Variants in PDE3B observed in about 807,000 individuals in gnomAD.
PDE3B encodes cGMP-inhibited 3',5'-cyclic phosphodiesterase 3B.
PDE3B carries 66 observed loss-of-function variants against 116.8 expected under a neutral mutation model. The observed-to-expected ratio is 0.56, with a 90% CI of 0.46 to 0.69. The LOEUF is 0.69. Among genes scored for constraint, PDE3B ranks in the 30% least tolerant of loss-of-function variants. PDE3B has a pLI of 0.00. For missense variants in PDE3B, 1,384 were observed against 1,368.1 expected (o/e 1.01, Z -0.18); for synonymous variants, 595 against 533.6 (o/e 1.12, Z -1.59).
At chr11:14,853,475 C>T (rs1313677638) in intron 12 of PDE3B, among the ~76,000 whole-genome samples, 3 of 152,080 alleles carry the variant, frequency 2.0e-5, no homozygotes, top group Non-Finnish European at 2.9e-5. Flanking sequence ...CCCAAAGTAA[C>T]GAAGTTTATG....
intron 1 of PDE3B, among the ~76,000 whole-genome samples, chr11:14,763,802 G>A (rs1857422781): frequency 6.6e-6 from 1 of 152,052 alleles, no homozygotes; most frequent in African/African-American, 2.4e-5. Flanking sequence ...TGAAAGAAAT[G>A]TGTTATAAAA....
chr11:14,792,198 T>G (rs1858410555), intron 4 of PDE3B, among the ~76,000 whole-genome samples: 1 of 152,088 alleles, frequency 6.6e-6, no homozygotes, highest in East Asian at 1.9e-4. Context: ...GTAAATGAAC[T>G]AACACAGATG....
intron 1 of PDE3B, among the ~76,000 whole-genome samples, chr11:14,769,151 A>G (rs1482535670): frequency 6.6e-6 from 1 of 151,486 alleles, no homozygotes; most frequent in African/African-American, 2.4e-5. Flanking sequence ...TCTAGCAAGC[A>G]CAAGTGAGAG....
At chr11:14,645,851 T>C (rs558362066) in intron 1 of PDE3B, among the ~76,000 whole-genome samples, 99 of 152,334 alleles carry the variant, frequency 6.5e-4, no homozygotes, top group Non-Finnish European at 1.3e-3. Context: ...CTACCTGTTG[T>C]ACATCACCAA....
At chr11:14,865,189 G>C (rs1848021027) in intron 14 of PDE3B, among the ~76,000 whole-genome samples, 1 of 152,188 alleles carries the variant, frequency 6.6e-6, no homozygotes. Context: ...ACTACTATCA[G>C]AGAATACTAT....
chr11:14,835,015 A>C lies in PDE3B; in HGVS notation c.2240A>C (p.His747Pro). The C allele has an allele frequency of 6.2e-7, 1 of 1,613,236 alleles. No homozygotes were observed. The highest frequency in any genetic ancestry group is 8.5e-7 in the Non-Finnish European group (1 of 1,179,422). Residue 747 changes from histidine (H) to proline (P), a missense_variant, in exon 11 of 16, where the codon CAT (histidine) becomes CCT (proline). By Grantham distance (77) the His-to-Pro change is moderately conservative. Around this residue, in one of 2 missense-constraint regions of PDE3B, gnomAD observed 428 missense variants for 561.4 expected, o/e 0.76. Transcript: ENST00000282096. ...CGTATACATGCCACAGATGTGCTAC[A>C]TGCAGTTTGGTATCTGACAACACGG... ...HNRIHATDVL[H>P]AVWYLTTRPV...
At chr11:14,752,895 T>C (rs888619337) in intron 1 of PDE3B, among the ~76,000 whole-genome samples, 2 of 152,270 alleles carry the variant, frequency 1.3e-5, no homozygotes, top group African/African-American at 4.8e-5. Flanking sequence ...TAGTATAATC[T>C]GTTGACTTTT....
At chr11:14,716,469 G>C (rs1855898654) in intron 1 of PDE3B, among the ~76,000 whole-genome samples, 1 of 151,052 alleles carries the variant, frequency 6.6e-6, no homozygotes. Flanking sequence ...TGGGGGCAGG[G>C]CACAGACAAA....
intron 7 of PDE3B, among the ~76,000 whole-genome samples, chr11:14,828,821 A>G (rs933370094): frequency 1.3e-5 from 2 of 152,212 alleles, no homozygotes; most frequent in Non-Finnish European, 1.5e-5. Flanking sequence ...TATATATCCA[A>G]AGGAATATAA....
Position 14,819,074 on chromosome 11 carries a change from G to A in PDE3B, c.1734-62G>A, listed in dbSNP as rs1859428513. On this transcript the variant is annotated intron_variant, in intron 6 of 15. Transcript: ENST00000282096. Reference sequence around the variant, plus strand: ...TAAAAATTAAACAGATTTTCTAATTGTGTTCAGGTAAAAAACTTGTACCTC... The same window carrying A: ...TAAAAATTAAACAGATTTTCTAATTATGTTCAGGTAAAAAACTTGTACCTC... 4 of 939,206 alleles carry A rather than the reference G, an allele frequency of 4.3e-6. No homozygotes were observed. The East Asian group carries it at 9.8e-5, about 23-fold the overall frequency. 58.2% of individuals were successfully genotyped at this position (939,206 alleles called of 1,614,324 possible). A position where few individuals can be genotyped will look rare whatever the true frequency, so the allele number is the denominator to read the frequency against.
At chr11:14,737,239 G>A (rs1298123993) in intron 1 of PDE3B, among the ~76,000 whole-genome samples, 1 of 151,252 alleles carries the variant, frequency 6.6e-6, no homozygotes, top group Non-Finnish European at 1.5e-5. Flanking sequence ...TTTCACCCAG[G>A]CTGGACTGCA....
chr11:14,675,238 T>G (rs556491736), intron 1 of PDE3B, among the ~76,000 whole-genome samples: 1 of 152,200 alleles, frequency 6.6e-6, no homozygotes. Context: ...AGGTAACTTT[T>G]TTTTCTGTTG....
chr11:14,892,621 G>T, the PDE3B span, among the ~76,000 whole-genome samples: 7 of 152,190 alleles, frequency 4.6e-5, no homozygotes, highest in Non-Finnish European at 7.3e-5. Context: ...AGGAAAACTG[G>T]AGAGATGATC....
At chr11:14,891,657 A>G in the PDE3B span, 17 of 1,157,234 alleles carry the variant, frequency 1.5e-5, no homozygotes, top group Non-Finnish European at 1.8e-5. Context: ...CTGGACCTGA[A>G]GTGGCGGCGC....
chr11:14,829,303 A>T (rs1270807939), intron 7 of PDE3B, among the ~76,000 whole-genome samples: 1 of 152,082 alleles, frequency 6.6e-6, no homozygotes, highest in Admixed American at 6.6e-5. Flanking sequence ...CTAAACTTAA[A>T]AAATAAATAA....
chr11:14,786,163 A>G (rs1483062026), intron 2 of PDE3B, among the ~76,000 whole-genome samples: 1 of 146,576 alleles, frequency 6.8e-6, no homozygotes, highest in African/African-American at 2.7e-5. Flanking sequence ...TTTTGTTATA[A>G]AGGAAAGGAA....
chr11:14,845,502 G>A (rs554717856), intron 12 of PDE3B, among the ~76,000 whole-genome samples: 143 of 152,310 alleles, frequency 9.4e-4, no homozygotes, highest in African/African-American at 2.2e-3. Flanking sequence ...TGACTTTGAC[G>A]AGTTGAGAGA....
intron 1 of PDE3B, among the ~76,000 whole-genome samples, chr11:14,743,872 C>T (rs981420351): frequency 4.6e-5 from 7 of 152,136 alleles, no homozygotes; most frequent in African/African-American, 1.2e-4. Flanking sequence ...TGCATCTGCT[C>T]GCCCTCTGTG....
chr11:14,825,331 C>CCTA (rs1859653982), intron 7 of PDE3B, among the ~76,000 whole-genome samples: 1 of 152,208 alleles, frequency 6.6e-6, no homozygotes, highest in African/African-American at 2.4e-5. Context: ...ATTTAAAAGG[C>CCTA]ATAGAGTGGC....
Sources: allele counts gnomAD v4.1 joint callset (sites outside exome capture counted in the v4.1 genomes callset), GRCh38; gene constraint gnomAD v4.1.1; regional missense constraint gnomAD v4.1.1; transcripts MANE v1.5; gene names NCBI Gene and HGNC (gene_info 2026-07-23, HGNC 2026-07-21).